Variants in MICU3 observed in about 807,000 individuals in gnomAD.
The protein encoded by MICU3 is calcium uptake protein 3, mitochondrial.
In MICU3, 62 loss-of-function variants were observed where a neutral mutation model predicts 66.5. That is an observed-to-expected ratio of 0.93 (90% CI 0.76 to 1.15). MICU3 has a LOEUF of 1.15. Ranked by LOEUF, MICU3 falls within the 50% of genes most tolerant of loss-of-function variation. The probability of loss-of-function intolerance (pLI) is 0.00; values close to 1 mark genes in which losing one functional copy is unlikely to be tolerated. For missense variants in MICU3, 779 were observed against 664.4 expected, an observed-to-expected ratio of 1.17 and a Z score of -1.90; for synonymous variants, 308 against 240.7, an observed-to-expected ratio of 1.28 and a Z score of -2.59.
intron 1 of MICU3, among the ~76,000 whole-genome samples, chr8:17,032,757 C>T (rs115752820): frequency 1.5e-3 from 225 of 152,290 alleles, no homozygotes; most frequent in African/African-American, 5.1e-3. Context: ...GCATTTTTTA[C>T]AAGTTCAAGA....
chr8:17,069,805 A>G (rs1819276817), intron 3 of MICU3, 86 bp downstream of exon 3: 1 of 445,044 alleles, frequency 2.2e-6, no homozygotes, highest in Non-Finnish European at 3.6e-6. Context: ...TTCATAAAAT[A>G]TATTATGTAT....
chr8:17,105,388 C>T (rs1416971649), intron 10 of MICU3, 25 bp from the exon 11 acceptor site: 6 of 1,388,650 alleles, frequency 4.3e-6, no homozygotes, highest in East Asian at 2.4e-5. Flanking sequence ...TATCTTTTTC[C>T]TTCTTTATTA....
intron 1 of MICU3, among the ~76,000 whole-genome samples, chr8:17,040,912 G>A (rs1315646577): frequency 6.6e-6 from 1 of 152,086 alleles, no homozygotes; most frequent in Non-Finnish European, 1.5e-5. Flanking sequence ...TGGGCAATTG[G>A]GTGGATTTGC....
downstream of MICU3, among the ~76,000 whole-genome samples, chr8:17,125,955 G>A (rs1340097047): frequency 6.6e-6 from 1 of 151,460 alleles, no homozygotes; most frequent in Non-Finnish European, 1.5e-5. Context: ...ACTTGAACCT[G>A]GGAGGTGGAG....
intron 5 of MICU3, among the ~76,000 whole-genome samples, chr8:17,083,688 T>C (rs935635412): frequency 3.9e-5 from 6 of 152,050 alleles, no homozygotes; most frequent in African/African-American, 1.4e-4. Flanking sequence ...GTACCTTTTG[T>C]AATAGGGCTA....
At chr8:17,066,256 G>C (rs1341502110) in intron 2 of MICU3, among the ~76,000 whole-genome samples, 1 of 151,578 alleles carries the variant, frequency 6.6e-6, no homozygotes, top group Non-Finnish European at 1.5e-5. Context: ...ATATTTATAT[G>C]TCTGCTTCTG....
chr8:17,090,652 T>C (rs1305630986), intron 8 of MICU3, 68 bp downstream of exon 8: 1 of 1,265,782 alleles, frequency 7.9e-7, no homozygotes, highest in Non-Finnish European at 1.1e-6. Flanking sequence ...TAATGTTATT[T>C]CTTTATATAA....
intron 1 of MICU3, among the ~76,000 whole-genome samples, chr8:17,054,715 T>A (rs1030110454): frequency 1.3e-5 from 2 of 149,890 alleles, no homozygotes; most frequent in Non-Finnish European, 2.9e-5. Context: ...ACCCAAATGT[T>A]TTCTTTTTCT....
intron 2 of MICU3, among the ~76,000 whole-genome samples, chr8:17,068,554 A>T (rs193213703): frequency 2.2e-4 from 33 of 152,296 alleles, no homozygotes; most frequent in African/African-American, 7.7e-4. Context: ...TGTCATAGTT[A>T]AGTTTACATG....
chr8:17,090,360 A>T (rs1039740007), intron 7 of MICU3, among the ~76,000 whole-genome samples, 186 bp from the exon 8 acceptor site: 23 of 152,120 alleles, frequency 1.5e-4, no homozygotes, highest in Admixed American at 6.6e-5. Flanking sequence ...TGAGATTTTT[A>T]AAACTTTGCT....
In MICU3 at chr8:17,090,728, C is replaced by T. The variant is rs375840999; in HGVS notation, c.888+144C>T. ...ATTGAACACAATAGGTGCAATGAAG[C>T]CATAATGTTACATTTCATTCCTAGA... On this transcript the variant is annotated intron_variant, in intron 8 of 14. Transcript: ENST00000318063. The T allele has an allele frequency of 1.4e-4, 75 of 524,462 alleles. 1 individual carries two copies. The East Asian group carries it at 2.1e-3, about 15-fold the overall frequency. 32.5% of individuals were successfully genotyped at this position (524,462 alleles called of 1,614,324 possible). A position where few individuals can be genotyped will look rare whatever the true frequency, so the allele number is the denominator to read the frequency against.
At chr8:17,058,455 T>C (rs1817319090) in intron 1 of MICU3, among the ~76,000 whole-genome samples, 1 of 152,218 alleles carries the variant, frequency 6.6e-6, no homozygotes, top group Admixed American at 6.5e-5. Context: ...ACAAGATCAT[T>C]GTCATTTGTA....
At position 17,027,452 on chromosome 8, in the gene MICU3, G is replaced by A; in HGVS notation, c.173G>A (p.Trp58Ter). The A allele has an allele frequency of 7.7e-7, 1 of 1,301,066 alleles. No individual in the cohort carries two copies. The highest frequency in any genetic ancestry group is 9.7e-7 in the Non-Finnish European group (1 of 1,029,632). The allele number at this position is 1,301,066 out of a possible 1,614,324, so 80.6% of individuals were successfully genotyped here. A position where few individuals can be genotyped will look rare whatever the true frequency, so the allele number is the denominator to read the frequency against. The change falls in exon 1 of 15, where the codon TGG (tryptophan) becomes TAG (stop). Residue 58 changes from tryptophan to a stop codon, truncating the protein, a stop_gained. Coordinates refer to ENST00000318063, the MANE Select transcript of MICU3 (RefSeq NM_181723.3). LOFTEE classifies it high-confidence loss of function. ...GAGAGGGCTGTGGCGGAGGCGGCAT[G>A]GAGGCGGCGGCGGCGCTGGGGGGAG... ...DEERAVAEAA[W>*]RRRRRWGELS... is the part of the protein sequence containing the mutation.
At chr8:17,096,124 C>T (rs947986232) in intron 8 of MICU3, among the ~76,000 whole-genome samples, 7 of 151,828 alleles carry the variant, frequency 4.6e-5, no homozygotes, top group East Asian at 1.9e-4. Flanking sequence ...CAAAGATAAC[C>T]GAGAAAACTT....
At chr8:17,059,681 C>G (rs1374573026) in intron 1 of MICU3, among the ~76,000 whole-genome samples, 2 of 151,998 alleles carry the variant, frequency 1.3e-5, no homozygotes, top group Non-Finnish European at 2.9e-5. Context: ...TAATAGCCTT[C>G]CCAAACAAAA....
rs184807648 is a variant in MICU3, at chr8:17,101,311, T to C, written c.984+2758T>C. Among the ~76,000 whole-genome samples the C allele has an allele frequency of 2.1e-3, 325 of 151,960 alleles. 2 individuals carry two copies. The highest frequency in any genetic ancestry group is 7.1e-3 in the African/African-American group (296 of 41,480). On this transcript the variant is annotated intron_variant, in intron 9 of 14. Coordinates refer to ENST00000318063, the MANE Select transcript of MICU3 (RefSeq NM_181723.3). ...AATCACAGGGATAAAGTCTCTATTT[T>C]TCTCTCAGTCCTTGGGTGATGTAAG...
At chr8:17,091,747 C>G (rs1461824750) in intron 8 of MICU3, among the ~76,000 whole-genome samples, 1 of 152,052 alleles carries the variant, frequency 6.6e-6, no homozygotes, top group South Asian at 2.1e-4. Flanking sequence ...TAAAGCCTGT[C>G]ATTTCCTTTA....
chr8:17,085,217 T>C lies in MICU3; in HGVS notation c.695-19T>C. 1 of 1,568,298 alleles carries C rather than the reference T, an allele frequency of 6.4e-7. No individual in the cohort carries two copies. The highest frequency in any genetic ancestry group is 1.4e-5 in the African/African-American group (1 of 73,368). Reference sequence around the variant, plus strand: ...ACATTTTTCCATTTTGTGAATACCTTCTCTGTTTTTTCTGGCAGAGCCACA... The same window carrying C: ...ACATTTTTCCATTTTGTGAATACCTCCTCTGTTTTTTCTGGCAGAGCCACA... On this transcript the variant is annotated intron_variant, in intron 5 of 14. Transcript: ENST00000318063.
intron 3 of MICU3, among the ~76,000 whole-genome samples, chr8:17,071,488 C>T (rs1208138759): frequency 6.6e-6 from 1 of 151,878 alleles, no homozygotes; most frequent in African/African-American, 2.4e-5. Flanking sequence ...ACCTAATTAC[C>T]TCTTTAAAGA....
Sources: allele counts gnomAD v4.1 joint callset (sites outside exome capture counted in the v4.1 genomes callset), GRCh38; gene constraint gnomAD v4.1.1; transcripts MANE v1.5; gene names NCBI Gene and HGNC (gene_info 2026-07-23, HGNC 2026-07-21).